The following ZPBP variants were observed in gnomAD, a reference collection of about 807,000 sequenced individuals.
ZPBP encodes zona pellucida-binding protein 1.
ZPBP carries 26 observed loss-of-function variants against 44.8 expected under a neutral mutation model. That is an observed-to-expected ratio of 0.58 (90% confidence interval 0.43 to 0.81). ZPBP has a LOEUF of 0.81. Ranked by LOEUF, ZPBP falls within the 30% of genes least tolerant of loss-of-function variation. The pLI is 0.00. For synonymous variants in ZPBP, 174 were observed against 153.2 expected (o/e 1.14, Z -1.00); for missense variants, 409 against 434.0 (o/e 0.94, Z 0.51).
intron 4 of ZPBP, among the ~76,000 whole-genome samples, chr7:50,032,019 G>A (rs1799629516): frequency 1.3e-5 from 2 of 152,086 alleles, no homozygotes; most frequent in South Asian, 2.1e-4. Flanking sequence ...CCTGGATTAC[G>A]CTCAGGAAAA....
intron 7 of ZPBP, among the ~76,000 whole-genome samples, chr7:49,970,861 A>G (rs900012759): frequency 2.6e-5 from 2 of 76,182 alleles, no homozygotes; most frequent in Non-Finnish European, 5.5e-5. Flanking sequence ...CAAAATAATA[A>G]ATAAATAAAT....
intron 2 of ZPBP, chr7:49,901,052 G>C (rs955110998): frequency 1.3e-5 from 2 of 151,750 alleles, no homozygotes; most frequent in Non-Finnish European, 3.0e-5. Flanking sequence ...GGTAAACTAG[G>C]AACAGAGGAG....
intron 2 of ZPBP, among the ~76,000 whole-genome samples, chr7:49,880,750 G>A (rs1012690669): frequency 4.6e-5 from 7 of 152,050 alleles, no homozygotes; most frequent in Non-Finnish European, 8.8e-5. Flanking sequence ...GTTAACGGAT[G>A]CAGCACACCA....
chr7:49,977,423 A>C (rs1796583136), intron 7 of ZPBP, among the ~76,000 whole-genome samples: 1 of 152,152 alleles, frequency 6.6e-6, no homozygotes. Flanking sequence ...CTTTAGGATA[A>C]ATTTATTGAC....
chr7:49,871,881 T>G (rs1286551042), intron 2 of ZPBP, among the ~76,000 whole-genome samples: 1 of 138,510 alleles, frequency 7.2e-6, no homozygotes, highest in Non-Finnish European at 1.5e-5. Context: ...ATATATAATG[T>G]TTTTTGTATG....
intron 7 of ZPBP, among the ~76,000 whole-genome samples, chr7:49,974,433 G>A (rs1305437138): frequency 6.6e-6 from 1 of 152,120 alleles, no homozygotes; most frequent in African/African-American, 2.4e-5. Context: ...AAAAAATAAT[G>A]AGGGTATATT....
intron 5 of ZPBP, among the ~76,000 whole-genome samples, chr7:50,029,913 T>C (rs1799523157): frequency 6.6e-6 from 1 of 152,230 alleles, no homozygotes; most frequent in Non-Finnish European, 1.5e-5. Context: ...TGAAGTGCAG[T>C]GGCACGATCT....
chr7:49,960,059 T>C (rs1271721832), intron 7 of ZPBP, among the ~76,000 whole-genome samples: 1 of 152,128 alleles, frequency 6.6e-6, no homozygotes, highest in Non-Finnish European at 1.5e-5. Flanking sequence ...AACCTTTTTC[T>C]CACACCAAAC....
chr7:49,884,377 G>A (rs919209921), intron 2 of ZPBP, among the ~76,000 whole-genome samples: 3 of 152,208 alleles, frequency 2.0e-5, no homozygotes, highest in South Asian at 4.1e-4. Flanking sequence ...TACAGCCGAG[G>A]AGAACAGGAG....
intron 2 of ZPBP, among the ~76,000 whole-genome samples, chr7:49,853,450 T>C (rs1333636555): frequency 6.6e-6 from 1 of 152,166 alleles, no homozygotes; most frequent in Non-Finnish European, 1.5e-5. Context: ...TCGGGGCATA[T>C]TAGGGACCCA....
At chr7:49,998,010 T>C (rs1009878624) in intron 6 of ZPBP, among the ~76,000 whole-genome samples, 1 of 152,054 alleles carries the variant, frequency 6.6e-6, no homozygotes, top group Non-Finnish European at 1.5e-5. Context: ...CTCTGCCTCC[T>C]GGGTTCAAGC....
At chr7:49,968,445 G>A (rs1352605502) in intron 7 of ZPBP, among the ~76,000 whole-genome samples, 1 of 151,814 alleles carries the variant, frequency 6.6e-6, no homozygotes, top group Non-Finnish European at 1.5e-5. Context: ...AGCAACCTAG[G>A]AGAGCAAAAA....
At chr7:49,924,985 T>C (rs1794177830) in intron 1 of ZPBP, among the ~76,000 whole-genome samples, 1 of 152,224 alleles carries the variant, frequency 6.6e-6, no homozygotes. Context: ...TCTAGCTATG[T>C]GCACCCTCCT....
At chr7:50,000,003 T>A (rs866146902) in intron 6 of ZPBP, among the ~76,000 whole-genome samples, 6 of 152,108 alleles carry the variant, frequency 3.9e-5, no homozygotes, top group African/African-American at 7.2e-5. Flanking sequence ...TTGTTTTTTT[T>A]AATAGGGAGG....
chr7:49,955,513 C>T lies in ZPBP; in HGVS notation c.962-17891G>A, dbSNP rs145265486. Among the ~76,000 whole-genome samples, 1,186 of 151,912 alleles carry T rather than the reference C, an allele frequency of 7.8e-3. 24 individuals are homozygous for T. The highest frequency in any genetic ancestry group is 0.027 in the African/African-American group (1,115 of 41,434). ...CAGAGATTGCGGTGAGCTGAGATCA[C>T]GCCACTGCACTCCAGCCTGGGCAAG... On this transcript the variant is annotated intron_variant, in intron 7 of 7. Coordinates refer to ENST00000046087, the MANE Select transcript of ZPBP (RefSeq NM_007009.3).
chr7:50,024,376 A>C (rs2128808620), intron 5 of ZPBP, among the ~76,000 whole-genome samples: 1 of 152,144 alleles, frequency 6.6e-6, no homozygotes, highest in South Asian at 2.1e-4. Context: ...CTGCAGCATT[A>C]TTCATAACAG....
At chr7:49,990,923 G>A (rs1367127255) in intron 6 of ZPBP, among the ~76,000 whole-genome samples, 1 of 152,098 alleles carries the variant, frequency 6.6e-6, no homozygotes, top group African/African-American at 2.4e-5. Flanking sequence ...TAGCATTATG[G>A]GTGTTTTAGG....
chr7:49,876,143 A>G (rs1791406737), intron 2 of ZPBP, among the ~76,000 whole-genome samples: 1 of 152,214 alleles, frequency 6.6e-6, no homozygotes, highest in African/African-American at 2.4e-5. Flanking sequence ...CAGGAATTAT[A>G]TGGAAGGCTG....
At chr7:49,902,416 C>T (rs1434622618) in intron 1 of ZPBP, among the ~76,000 whole-genome samples, 1 of 151,902 alleles carries the variant, frequency 6.6e-6, no homozygotes. Context: ...CAGCAGAACA[C>T]AGAAACAGAC....
Sources: gnomAD v4.1 joint callset for allele counts (sites outside exome capture counted in the v4.1 genomes callset) on GRCh38, gnomAD v4.1.1 for gene constraint, MANE v1.5 for transcripts, NCBI Gene and HGNC (gene_info 2026-07-23, HGNC 2026-07-21) for gene names.